Variants in SLC18A2 observed in about 807,000 individuals in gnomAD.
SLC18A2 encodes solute carrier family 18 member A2.
SLC18A2 carries 33 observed loss-of-function variants against 59.2 expected under a neutral mutation model. That is an observed-to-expected ratio of 0.56 (90% CI 0.42 to 0.75). SLC18A2 has a LOEUF of 0.75. Among genes scored for constraint, SLC18A2 ranks in the 30% least tolerant of loss-of-function variants. The pLI, the probability that SLC18A2 is intolerant of heterozygous loss-of-function variation, is 0.00. For missense variants in SLC18A2, 569 were observed against 668.6 expected (o/e 0.85, Z 1.64); for synonymous variants, 228 against 253.5 (o/e 0.90, Z 0.95).
intron 6 of SLC18A2, among the ~76,000 whole-genome samples, chr10:117,254,946 C>A (rs1055818279): frequency 3.9e-5 from 6 of 152,250 alleles, no homozygotes; most frequent in African/African-American, 1.2e-4. Context: ...GAGCCTGCAG[C>A]CTTGCCTGCG....
intron 2 of SLC18A2, among the ~76,000 whole-genome samples, chr10:117,243,736 C>A (rs1177704319): frequency 1.3e-5 from 2 of 152,150 alleles, no homozygotes; most frequent in African/African-American, 4.8e-5. Flanking sequence ...CAGGTGGGTG[C>A]CACCACGCCC....
intron 15 of SLC18A2, among the ~76,000 whole-genome samples, chr10:117,273,177 T>C (rs1445771370): frequency 2.0e-5 from 3 of 152,242 alleles, no homozygotes; most frequent in African/African-American, 4.8e-5. Flanking sequence ...TGTGAGTTTG[T>C]CTTCCATTTG....
Position 117,269,320 on chromosome 10 carries a change from T to A in SLC18A2, c.1187-751T>A, listed in dbSNP as rs1223130971. Among the ~76,000 whole-genome samples the A allele has an allele frequency of 9.8e-6, 1 of 101,530 alleles. No individual in the cohort carries two copies. The highest frequency in any genetic ancestry group is 3.8e-5 in the African/African-American group (1 of 26,152). 66.6% of individuals were successfully genotyped at this position (101,530 alleles called of 152,430 possible). ...ACACATACATACACAGATACATATA[T>A]ACATATACATAATACACATACACAC... On this transcript the variant is annotated intron_variant, in intron 13 of 15. Coordinates refer to ENST00000644641, the MANE Select transcript of SLC18A2 (RefSeq NM_003054.6). The surrounding 1 kb of genome is among the most constrained non-coding windows in gnomAD (Gnocchi z 5.1).
intron 15 of SLC18A2, among the ~76,000 whole-genome samples, chr10:117,274,457 T>C (rs1156998854): frequency 6.6e-6 from 1 of 152,110 alleles, no homozygotes; most frequent in Non-Finnish European, 1.5e-5. Context: ...TCAGGTCTAA[T>C]GTGGATGAGC....
chr10:117,245,060 G>T (rs1371700091), intron 3 of SLC18A2, among the ~76,000 whole-genome samples: 1 of 152,202 alleles, frequency 6.6e-6, no homozygotes, highest in Non-Finnish European at 1.5e-5. Context: ...TGTAGCTGAG[G>T]TGGACCAGTT....
chr10:117,263,015 A>C (rs1204842043), intron 10 of SLC18A2, among the ~76,000 whole-genome samples: 1 of 152,222 alleles, frequency 6.6e-6, no homozygotes, highest in African/African-American at 2.4e-5. Context: ...GGATCTCATC[A>C]GATTGCTGTG....
intron 10 of SLC18A2, among the ~76,000 whole-genome samples, chr10:117,266,217 T>G (rs1844347275): frequency 6.6e-6 from 1 of 152,200 alleles, no homozygotes; most frequent in Non-Finnish European, 1.5e-5. Context: ...AATCCCTTTT[T>G]TTTGTAAATC....
Position 117,254,583 on chromosome 10 carries a change from G to A in SLC18A2, c.700+86G>A, listed in dbSNP as rs1045119470. On this transcript the variant is annotated intron_variant, in intron 6 of 15. Transcript: ENST00000644641. ...GCAGTCCTCGCCCAGTGACCCTGGC[G>A]CAGTTTGCACTGACACAGAGGTCCC... 2.6e-5 allele frequency: 24 copies of A among 909,586 alleles called. No homozygotes were observed. In the East Asian group the frequency reaches 2.9e-4, roughly 11 times the overall value. The allele number at this position is 909,586 out of a possible 1,614,324, so 56.3% of individuals were successfully genotyped here. A position where few individuals can be genotyped will look rare whatever the true frequency, so the allele number is the denominator to read the frequency against.
intron 10 of SLC18A2, among the ~76,000 whole-genome samples, chr10:117,258,955 T>G (rs1287212328): frequency 6.6e-6 from 1 of 152,054 alleles, no homozygotes; most frequent in Non-Finnish European, 1.5e-5. Context: ...TTTTAAAAAT[T>G]TTCCAATTTC....
chr10:117,273,312 T>C (rs1304846403), intron 15 of SLC18A2, among the ~76,000 whole-genome samples: 1 of 152,236 alleles, frequency 6.6e-6, no homozygotes, highest in Non-Finnish European at 1.5e-5. Context: ...AAGTGTCTTA[T>C]AAGACAGTTA....
intron 3 of SLC18A2, among the ~76,000 whole-genome samples, chr10:117,245,084 G>A (rs1844096933): frequency 6.6e-6 from 1 of 152,142 alleles, no homozygotes; most frequent in Non-Finnish European, 1.5e-5. Flanking sequence ...CCTGGTCCGT[G>A]GGGGCTCAAA....
chr10:117,254,618 T>A, intron 6 of SLC18A2, 121 bp downstream of exon 6: 1 of 532,352 alleles, frequency 1.9e-6, no homozygotes, highest in East Asian at 3.2e-5. Flanking sequence ...CCTTTTTATT[T>A]TTTTCCTTTC....
chr10:117,260,403 A>G (rs149947537), intron 10 of SLC18A2, among the ~76,000 whole-genome samples: 11 of 152,324 alleles, frequency 7.2e-5, no homozygotes, highest in African/African-American at 2.6e-4. Context: ...TGCAGGTGGA[A>G]GATTCCAGCA....
In SLC18A2 at chr10:117,270,196, G is replaced by T; in HGVS notation, c.1306+6G>T. On this transcript the variant is annotated splice_donor_region_variant and intron_variant, in intron 14 of 15. Coordinates refer to ENST00000644641, the MANE Select transcript of SLC18A2 (RefSeq NM_003054.6). Reference sequence around the variant, plus strand: ...TTGTATGGGGTATGCTATAGGTAAGGACATTGGCTTTTCATAAGAACCTTT... The same window carrying T: ...TTGTATGGGGTATGCTATAGGTAAGTACATTGGCTTTTCATAAGAACCTTT... The T allele has an allele frequency of 6.2e-7, 1 of 1,614,156 alleles. No homozygotes were observed. Among genetic ancestry groups the T allele is most frequent in the East Asian group, 2.2e-5 (1 of 44,892 alleles).
chr10:117,254,022 C>A lies in SLC18A2; in HGVS notation c.524-26C>A, dbSNP rs539445828. On this transcript the variant is annotated intron_variant, in intron 4 of 15. Transcript: ENST00000644641. ...GTTGTGTCCCAGCAGCACTGATGTG[C>A]GGTCTTGGACCCCCTCTCTCGGCAG... The A allele has an allele frequency of 1.4e-5, 23 of 1,606,536 alleles. No individual in the cohort carries two copies. The East Asian group carries it at 1.8e-4, about 12-fold the overall frequency.
At chr10:117,253,520 A>G (rs1343530849) in intron 4 of SLC18A2, 63 bp downstream of exon 4, 1 of 726,612 alleles carries the variant, frequency 1.4e-6, no homozygotes, top group African/African-American at 2.1e-5. Flanking sequence ...GATGCCCATG[A>G]GCCGGGAATT....
intron 9 of SLC18A2, 56 bp from the exon 10 acceptor site, chr10:117,257,741 G>T: frequency 4.3e-6 from 5 of 1,175,012 alleles, no homozygotes; most frequent in Non-Finnish European, 6.1e-6. Flanking sequence ...GTCTAACTGT[G>T]CCTGGAAATG....
chr10:117,262,413 G>T (rs762844714), intron 10 of SLC18A2, among the ~76,000 whole-genome samples: 1 of 152,186 alleles, frequency 6.6e-6, no homozygotes, highest in Non-Finnish European at 1.5e-5. Context: ...GAGGCGTGCC[G>T]CTTGGCAGGA....
chr10:117,267,820 C>A, intron 13 of SLC18A2, 84 bp downstream of exon 13: 1 of 1,068,324 alleles, frequency 9.4e-7, no homozygotes, highest in East Asian at 2.5e-5. Flanking sequence ...ACTGTAGTTC[C>A]TCAACCTAAA....
Sources: gnomAD v4.1 joint callset for allele counts (sites outside exome capture counted in the v4.1 genomes callset) on GRCh38, gnomAD v4.1.1 for gene constraint, Gnocchi (gnomAD v3.1) non-coding constraint, MANE v1.5 for transcripts, NCBI Gene and HGNC (gene_info 2026-07-23, HGNC 2026-07-21) for gene names.